The following MGAT4D variants were observed in gnomAD, a reference collection of about 807,000 sequenced individuals.
MGAT4D encodes alpha-1,3-mannosyl-glycoprotein 4-beta-N-acetylglucosaminyltransferase-like protein MGAT4D.
In MGAT4D, 34 loss-of-function variants were observed where a neutral mutation model predicts 15.9. That is an observed-to-expected ratio of 2.14 (90% CI 1.62 to 2.84). The LOEUF is 2.84. MGAT4D is among the 30% of genes most tolerant of loss of function. The pLI is 0.00. For missense variants in MGAT4D, 327 were observed against 140.2 expected (o/e 2.33, Z -6.73); for synonymous variants, 112 against 48.2 (o/e 2.33, Z -5.49).
intron 8 of MGAT4D, 62 bp from the exon 9 acceptor site, chr4:140,456,781 T>A (rs1730835530): frequency 1.8e-6 from 1 of 554,038 alleles, no homozygotes; most frequent in Non-Finnish European, 3.2e-6. Context: ...TCCTTTAACA[T>A]GGGAAAAAGC....
intron 1 of MGAT4D, among the ~76,000 whole-genome samples, chr4:140,484,620 C>G (rs1353485041): frequency 2.6e-5 from 4 of 152,140 alleles, no homozygotes; most frequent in Admixed American, 6.5e-5. Context: ...AGGCAACCTA[C>G]AGAATGGGAG....
At chr4:140,449,075 T>G (rs1730304442) in intron 10 of MGAT4D, among the ~76,000 whole-genome samples, 1 of 152,242 alleles carries the variant, frequency 6.6e-6, no homozygotes, top group Non-Finnish European at 1.5e-5. Flanking sequence ...CTGTAATAAA[T>G]GGAAAATGAC....
At chr4:140,464,130 CA>C (rs1731373314) in intron 6 of MGAT4D, among the ~76,000 whole-genome samples, 1 of 152,024 alleles carries the variant, frequency 6.6e-6, no homozygotes, top group African/African-American at 2.4e-5. Flanking sequence ...TAATTAAAAG[CA>C]AAACAAAACG....
intron 9 of MGAT4D, among the ~76,000 whole-genome samples, chr4:140,452,194 A>C (rs555958597): frequency 5.3e-5 from 8 of 152,044 alleles, no homozygotes; most frequent in Non-Finnish European, 1.2e-4. Context: ...AAACAAAACA[A>C]ACAATAAAAA....
chr4:140,486,447 T>A (rs1434156226), intron 1 of MGAT4D, among the ~76,000 whole-genome samples: 1 of 152,104 alleles, frequency 6.6e-6, no homozygotes, highest in East Asian at 1.9e-4. Flanking sequence ...CACATCAACC[T>A]GTCATCTACA....
chr4:140,487,850 T>C (rs1203995264), intron 1 of MGAT4D, among the ~76,000 whole-genome samples: 2 of 152,210 alleles, frequency 1.3e-5, no homozygotes, highest in Non-Finnish European at 2.9e-5. Flanking sequence ...CAAAGCCACC[T>C]GACTACCACA....
chr4:140,472,389 G>A (rs1732025100), intron 4 of MGAT4D, among the ~76,000 whole-genome samples: 1 of 152,078 alleles, frequency 6.6e-6, no homozygotes, highest in Non-Finnish European at 1.5e-5. Context: ...TTACCCTCTT[G>A]GGATAATTTT....
intron 5 of MGAT4D, among the ~76,000 whole-genome samples, chr4:140,467,123 A>G (rs1731588478): frequency 6.6e-6 from 1 of 152,078 alleles, no homozygotes; most frequent in Non-Finnish European, 1.5e-5. Flanking sequence ...TGGTGGGAGC[A>G]TAAGTGGAGG....
At chr4:140,469,229 C>A (rs1731749776) in intron 5 of MGAT4D, among the ~76,000 whole-genome samples, 1 of 152,206 alleles carries the variant, frequency 6.6e-6, no homozygotes, top group African/African-American at 2.4e-5. Context: ...AAATCAGTTT[C>A]CTTCAATAAG....
At chr4:140,488,630 A>G (rs1338734821) in intron 1 of MGAT4D, among the ~76,000 whole-genome samples, 1 of 152,212 alleles carries the variant, frequency 6.6e-6, no homozygotes, top group African/African-American at 2.4e-5. Context: ...GAAAGAAGGG[A>G]AGGGCATTCC....
At chr4:140,466,895 G>A (rs998612728) in intron 5 of MGAT4D, among the ~76,000 whole-genome samples, 2 of 152,112 alleles carry the variant, frequency 1.3e-5, no homozygotes, top group African/African-American at 4.8e-5. Flanking sequence ...GTGCTAGAGC[G>A]AATATGGGTT....
At chr4:140,495,222 A>G (rs917511940) in intron 1 of MGAT4D, among the ~76,000 whole-genome samples, 1 of 152,166 alleles carries the variant, frequency 6.6e-6, no homozygotes, top group Non-Finnish European at 1.5e-5. Flanking sequence ...CCAGATATCC[A>G]CACATGATGC....
At chr4:140,466,252 G>GATGCAA (rs1731525157) in intron 5 of MGAT4D, among the ~76,000 whole-genome samples, 1 of 152,182 alleles carries the variant, frequency 6.6e-6, no homozygotes, top group Non-Finnish European at 1.5e-5. Flanking sequence ...AGACTCTAGA[G>GATGCAA]ATGCAACAAA....
At chr4:140,452,691 A>G (rs755805523) in intron 9 of MGAT4D, among the ~76,000 whole-genome samples, 2 of 152,048 alleles carry the variant, frequency 1.3e-5, no homozygotes, top group Non-Finnish European at 2.9e-5. Context: ...ATTTACAAAT[A>G]TTTTCTCCTA....
chr4:140,446,466 A>C (rs989931946), intron 10 of MGAT4D, among the ~76,000 whole-genome samples: 10 of 152,178 alleles, frequency 6.6e-5, no homozygotes, highest in Non-Finnish European at 1.3e-4. Flanking sequence ...AGAGGTGTTC[A>C]TAACAGTCTC....
chr4:140,447,971 T>A (rs1730238611), intron 10 of MGAT4D, among the ~76,000 whole-genome samples: 1 of 152,218 alleles, frequency 6.6e-6, no homozygotes, highest in Non-Finnish European at 1.5e-5. Flanking sequence ...GAAGCTTAGT[T>A]TGGCTGGATA....
intron 6 of MGAT4D, among the ~76,000 whole-genome samples, chr4:140,464,357 G>A (rs1483929940): frequency 4.6e-5 from 7 of 152,142 alleles, no homozygotes; most frequent in Non-Finnish European, 2.9e-5. Context: ...AATTTTTTAA[G>A]ATTCTTTCAC....
At chr4:140,488,811 TAGTG>T (rs1049290286) in intron 1 of MGAT4D, among the ~76,000 whole-genome samples, 137 of 152,306 alleles carry the variant, frequency 9.0e-4, no homozygotes, top group African/African-American at 3.2e-3. Flanking sequence ...ATCCTCATGA[TAGTG>T]AGTTCTCTTG....
chr4:140,454,361 T>C (rs761420925), intron 9 of MGAT4D, among the ~76,000 whole-genome samples: 1 of 152,230 alleles, frequency 6.6e-6, no homozygotes, highest in South Asian at 2.1e-4. Context: ...TCAGTTGATA[T>C]TAACATGTGG....
Sources: gnomAD v4.1 joint callset for allele counts (sites outside exome capture counted in the v4.1 genomes callset) on GRCh38, gnomAD v4.1.1 for gene constraint, MANE v1.5 for transcripts, NCBI Gene and HGNC (gene_info 2026-07-23, HGNC 2026-07-21) for gene names.